Variants in PAPPA2 observed in about 807,000 individuals in gnomAD.
PAPPA2 encodes the protein pappalysin 2.
PAPPA2 carries 86 observed loss-of-function variants against 176.4 expected under a neutral mutation model. The ratio of observed to expected loss-of-function variants is 0.49; its 90% CI spans 0.41 to 0.58. PAPPA2 has a LOEUF of 0.58. Ranked by LOEUF, PAPPA2 falls within the 20% of genes least tolerant of loss-of-function variation. PAPPA2 has a pLI of 0.00. For synonymous variants in PAPPA2, 809 were observed against 852.2 expected, an observed-to-expected ratio of 0.95 and a Z score of 0.88; for missense variants, 2,073 against 2,256.9, an observed-to-expected ratio of 0.92 and a Z score of 1.65.
chr1:176,604,774 AT>A (rs1454704074), intron 3 of PAPPA2, among the ~76,000 whole-genome samples: 1 of 152,232 alleles, frequency 6.6e-6, no homozygotes, highest in Non-Finnish European at 1.5e-5. Context: ...CACATTTGAT[AT>A]TTTAAAAATG....
chr1:176,703,035 G>A (rs549455466), intron 9 of PAPPA2, among the ~76,000 whole-genome samples: 2 of 152,226 alleles, frequency 1.3e-5, no homozygotes, highest in South Asian at 4.2e-4. Context: ...TTATCTGGGG[G>A]CCCCTTTTAT....
At chr1:176,591,975 C>T (rs1653694485) in intron 2 of PAPPA2, among the ~76,000 whole-genome samples, 1 of 152,178 alleles carries the variant, frequency 6.6e-6, no homozygotes, top group African/African-American at 2.4e-5. Flanking sequence ...TTCTACTAAG[C>T]TCAGTGAGGA....
intron 3 of PAPPA2, among the ~76,000 whole-genome samples, chr1:176,636,106 C>T (rs1656685488): frequency 6.6e-6 from 1 of 152,108 alleles, no homozygotes; most frequent in Admixed American, 6.6e-5. Flanking sequence ...ATGGCTTCCC[C>T]TTGATGCATT....
At chr1:176,739,904 G>C in intron 13 of PAPPA2, 76 bp from the exon 14 acceptor site, 2 of 1,579,582 alleles carry the variant, frequency 1.3e-6, no homozygotes, top group Non-Finnish European at 8.7e-7. Flanking sequence ...CTATTAAGAG[G>C]ATAAAATGAA....
At chr1:176,486,259 G>A (rs894593533) in intron 1 of PAPPA2, among the ~76,000 whole-genome samples, 4 of 152,198 alleles carry the variant, frequency 2.6e-5, no homozygotes, top group African/African-American at 9.6e-5. Flanking sequence ...ATGTTTTGGA[G>A]TGGCATATCT....
chr1:176,567,770 T>C (rs1652074558), intron 2 of PAPPA2, among the ~76,000 whole-genome samples: 1 of 152,200 alleles, frequency 6.6e-6, no homozygotes, highest in Non-Finnish European at 1.5e-5. Context: ...CCTGCCTGGA[T>C]AAACCAAAAG....
chr1:176,770,926 C>G (rs372988041), intron 16 of PAPPA2, 41 bp from the exon 17 acceptor site: 33 of 1,578,832 alleles, frequency 2.1e-5, no homozygotes, highest in Non-Finnish European at 2.7e-5. Context: ...TTTCTGGGCT[C>G]TCTGTTCTGA....
At chr1:176,707,505 G>A (rs1490136750) in intron 10 of PAPPA2, among the ~76,000 whole-genome samples, 1 of 152,182 alleles carries the variant, frequency 6.6e-6, no homozygotes, top group African/African-American at 2.4e-5. Flanking sequence ...TTAGAGTACA[G>A]CTTCTCTGTC....
chr1:176,687,899 G>A (rs1394089634), intron 4 of PAPPA2, among the ~76,000 whole-genome samples: 3 of 152,044 alleles, frequency 2.0e-5, no homozygotes, highest in Non-Finnish European at 4.4e-5. Context: ...GGACTTTTCG[G>A]GGCCTTTAAT....
chr1:176,510,093 T>A (rs1354900837), intron 1 of PAPPA2, among the ~76,000 whole-genome samples: 1 of 151,898 alleles, frequency 6.6e-6, no homozygotes, highest in Non-Finnish European at 1.5e-5. Flanking sequence ...ATGGCTGAAA[T>A]TTTTCAAATT....
At chr1:176,528,150 G>T (rs910086546) in intron 1 of PAPPA2, among the ~76,000 whole-genome samples, 1 of 152,046 alleles carries the variant, frequency 6.6e-6, no homozygotes, top group Non-Finnish European at 1.5e-5. Flanking sequence ...CAATTGGACT[G>T]CATTTGAATG....
At chr1:176,686,748 C>T (rs928418587) in intron 4 of PAPPA2, among the ~76,000 whole-genome samples, 3 of 152,166 alleles carry the variant, frequency 2.0e-5, no homozygotes, top group Non-Finnish European at 4.4e-5. Flanking sequence ...CCCTCAAAGC[C>T]TGCCTGCATG....
intron 21 of PAPPA2, among the ~76,000 whole-genome samples, chr1:176,819,569 CA>C (rs761699143): frequency 2.0e-5 from 3 of 152,152 alleles, no homozygotes; most frequent in Non-Finnish European, 2.9e-5. Context: ...TTTTGGCTCT[CA>C]AATGAGATAA....
At chr1:176,731,618 A>T (rs1662145366) in intron 12 of PAPPA2, among the ~76,000 whole-genome samples, 1 of 151,602 alleles carries the variant, frequency 6.6e-6, no homozygotes, top group Non-Finnish European at 1.5e-5. Flanking sequence ...GGCATAATGT[A>T]ATACTTTGAG....
chr1:176,769,951 T>C (rs1413817283), intron 16 of PAPPA2, among the ~76,000 whole-genome samples, 167 bp downstream of exon 16: 4 of 152,152 alleles, frequency 2.6e-5, no homozygotes, highest in South Asian at 2.1e-4. Flanking sequence ...CCACTCTTTG[T>C]CCCCAACTAC....
intron 10 of PAPPA2, among the ~76,000 whole-genome samples, chr1:176,708,248 G>GT (rs1280813336): frequency 6.6e-6 from 1 of 152,002 alleles, no homozygotes; most frequent in African/African-American, 2.4e-5. Flanking sequence ...TATTTAAATT[G>GT]TTTTAACTAT....
intron 2 of PAPPA2, 74 bp from the exon 3 acceptor site, chr1:176,594,450 C>T (rs1336704456): frequency 2.4e-6 from 3 of 1,265,098 alleles, no homozygotes; most frequent in Non-Finnish European, 3.3e-6. Context: ...TTTACATGGG[C>T]TTTCTTCTCC....
At chr1:176,616,815 T>G in intron 3 of PAPPA2, 1 of 723,504 alleles carries the variant, frequency 1.4e-6, no homozygotes, top group Non-Finnish European at 2.4e-6. Flanking sequence ...AAATACTCAA[T>G]AGGGTTATGA....
At chr1:176,688,585 C>T (rs1019122410) in intron 4 of PAPPA2, among the ~76,000 whole-genome samples, 5 of 152,136 alleles carry the variant, frequency 3.3e-5, no homozygotes, top group Admixed American at 6.5e-5. Context: ...TAGAGAATAA[C>T]AATTTTACCA....
Sources: gnomAD v4.1 joint callset for allele counts (sites outside exome capture counted in the v4.1 genomes callset) on GRCh38, gnomAD v4.1.1 for gene constraint, MANE v1.5 for transcripts, NCBI Gene and HGNC (gene_info 2026-07-23, HGNC 2026-07-21) for gene names.